Variants in ZNF846 observed in about 807,000 individuals in gnomAD.
ZNF846 encodes zinc finger protein 420 pseudogene.
ZNF846 carries 15 observed loss-of-function variants against 16.0 expected under a neutral mutation model. The observed-to-expected ratio is 0.94, with a 90% CI of 0.63 to 1.45. ZNF846 has a LOEUF of 1.45. Ranked by LOEUF, ZNF846 falls within the 40% of genes most tolerant of loss-of-function variation. ZNF846 has a pLI of 0.00. For missense variants in ZNF846, 714 were observed against 622.3 expected (o/e 1.15, Z -1.57); for synonymous variants, 229 against 212.0 (o/e 1.08, Z -0.70).
intron 1 of ZNF846, among the ~76,000 whole-genome samples, chr19:9,767,321 G>C (rs2045332351): frequency 6.6e-6 from 1 of 151,794 alleles, no homozygotes; most frequent in Admixed American, 6.6e-5. Flanking sequence ...TTTTAGTAGA[G>C]ACAGGGTTTC....
intron 1 of ZNF846, among the ~76,000 whole-genome samples, chr19:9,783,534 A>ATATATAT (rs1239345823): frequency 2.7e-5 from 3 of 112,890 alleles, no homozygotes; most frequent in Non-Finnish European, 5.2e-5. Flanking sequence ...ACTAAAAAAA[A>ATATATAT]AAAAAAAAAA....
intron 4 of ZNF846, 67 bp from the exon 5 acceptor site, chr19:9,760,009 G>A: frequency 7.9e-7 from 1 of 1,259,670 alleles, no homozygotes; most frequent in Non-Finnish European, 1.1e-6. Flanking sequence ...AAAGCCTATG[G>A]GGCTGGGCGT....
At chr19:9,753,292 C>G (rs1015788269), downstream of ZNF846, among the ~76,000 whole-genome samples, 1 of 150,742 alleles carries the variant, frequency 6.6e-6, no homozygotes, top group Non-Finnish European at 1.5e-5. Flanking sequence ...CACTCTGTCA[C>G]CCAGGCTGGA....
intron 1 of ZNF846, among the ~76,000 whole-genome samples, chr19:9,782,596 A>G (rs2045513021): frequency 6.6e-6 from 1 of 152,104 alleles, no homozygotes; most frequent in Non-Finnish European, 1.5e-5. Flanking sequence ...CTTTCCACCT[A>G]GATGTACATG....
intron 1 of ZNF846, among the ~76,000 whole-genome samples, chr19:9,765,245 C>T (rs907343479): frequency 6.6e-6 from 1 of 152,112 alleles, no homozygotes; most frequent in East Asian, 1.9e-4. Context: ...TGTGGTGGTG[C>T]ATGCCTGTAA....
intron 1 of ZNF846, among the ~76,000 whole-genome samples, chr19:9,766,827 G>A (rs1599393203): frequency 6.6e-6 from 1 of 150,432 alleles, no homozygotes; most frequent in Non-Finnish European, 1.5e-5. Flanking sequence ...TTGAACCCGG[G>A]AGGTGGAGGT....
chr19:9,750,587 AC>A (rs1239324803), downstream of ZNF846, among the ~76,000 whole-genome samples: 1 of 152,018 alleles, frequency 6.6e-6, no homozygotes, highest in East Asian at 1.9e-4. Flanking sequence ...AGTCTTCCTT[AC>A]CCCCAAAATC....
At chr19:9,770,952 GGTTT>G (rs942290801), upstream of ZNF846, among the ~76,000 whole-genome samples, 1 of 151,884 alleles carries the variant, frequency 6.6e-6, no homozygotes, top group Non-Finnish European at 1.5e-5. Context: ...AATGGAAAAA[GGTTT>G]ATTTATTTAT....
chr19:9,778,242 A>G (rs1405141977), intron 1 of ZNF846, among the ~76,000 whole-genome samples: 1 of 152,180 alleles, frequency 6.6e-6, no homozygotes, highest in East Asian at 1.9e-4. Flanking sequence ...TAGAAAACCT[A>G]AAAAGAAACC....
At chr19:9,770,274 C>G (rs1457029465), upstream of ZNF846, among the ~76,000 whole-genome samples, 1 of 137,402 alleles carries the variant, frequency 7.3e-6, no homozygotes, top group African/African-American at 2.6e-5. Context: ...TCCAAAGCAA[C>G]AGCTAATCTT....
At chr19:9,782,696 C>T (rs1282656224) in intron 1 of ZNF846, among the ~76,000 whole-genome samples, 1 of 152,228 alleles carries the variant, frequency 6.6e-6, no homozygotes, top group Non-Finnish European at 1.5e-5. Context: ...AGGAAATTAA[C>T]TGAAACTTTG....
At chr19:9,763,841 G>A (rs1192038237) in intron 2 of ZNF846, among the ~76,000 whole-genome samples, 1 of 152,192 alleles carries the variant, frequency 6.6e-6, no homozygotes, top group Non-Finnish European at 1.5e-5. Context: ...GAAAGAATTA[G>A]TAAACATTGA....
In ZNF846 at chr19:9,779,902, C is replaced by T. The variant is rs565685922; in HGVS notation, c.-86+6036G>A. Among the ~76,000 whole-genome samples, 20 of 150,352 alleles carry T rather than the reference C, an allele frequency of 1.3e-4. No homozygotes were observed. The East Asian group carries it at 3.9e-3, about 29-fold the overall frequency. On this transcript the variant is annotated intron_variant, in intron 1 of 4. Coordinates refer to the ZNF846 transcript ENST00000586814. ...CGACTTTTTTTTTTTTTTAGATAGGCTGTCACTCCTGTCACTCAGGCTGGA... is the reference window on the plus strand; with the variant it reads ...CGACTTTTTTTTTTTTTTAGATAGGTTGTCACTCCTGTCACTCAGGCTGGA...
chr19:9,758,183 A>T (rs1343262345), exon 6 of ZNF846: 1 of 1,613,188 alleles, frequency 6.2e-7, no homozygotes. Context: ...TTGTATGATC[A>T]GTAAGGTATG....
intron 1 of ZNF846, among the ~76,000 whole-genome samples, chr19:9,785,388 G>C (rs1170563677): frequency 2.0e-5 from 3 of 151,748 alleles, no homozygotes; most frequent in Non-Finnish European, 2.9e-5. Flanking sequence ...AGTAGAGATG[G>C]GGTTTCACCA....
At chr19:9,758,145 A>G (rs981070430) in exon 6 of ZNF846, 2 of 1,613,370 alleles carry the variant, frequency 1.2e-6, no homozygotes, top group African/African-American at 2.7e-5. Flanking sequence ...TTCCATACAT[A>G]CATAGGGCTT....
At chr19:9,756,345 GTATATATATATATATATATATATATA>G (rs369347660), downstream of ZNF846, 17 of 81,776 alleles carry the variant, frequency 2.1e-4, no homozygotes, top group African/African-American at 9.8e-4. Flanking sequence ...GTGTGTGTGT[GTATATATATATATATATATATATATA>G]TATATATATA....
At chr19:9,778,803 CAAAAAAAA>C (rs56001426) in intron 1 of ZNF846, among the ~76,000 whole-genome samples, 1 of 51,368 alleles carries the variant, frequency 1.9e-5, no homozygotes, top group African/African-American at 6.2e-5. Flanking sequence ...AAACTCGTCT[CAAAAAAAA>C]AAAAAAAAAA....
chr19:9,774,856 G>A (rs1021062826), intron 1 of ZNF846: 64 of 1,609,960 alleles, frequency 4.0e-5, no homozygotes, highest in African/African-American at 1.1e-4. Context: ...CCGAGCACCC[G>A]CTTCGGGCTG....
Sources: gnomAD v4.1 joint callset for allele counts (sites outside exome capture counted in the v4.1 genomes callset) on GRCh38, gnomAD v4.1.1 for gene constraint, MANE v1.5 for transcripts, NCBI Gene and HGNC (gene_info 2026-07-23, HGNC 2026-07-21) for gene names.